The following RORA variants were observed in gnomAD, a reference collection of about 807,000 sequenced individuals.
RORA encodes the protein nuclear receptor ROR-alpha.
In RORA, 7 loss-of-function variants were observed where a neutral mutation model predicts 69.5. The observed-to-expected ratio is 0.10, with a 90% CI of 0.06 to 0.19. RORA has a LOEUF of 0.19. RORA is among the 10% of genes least tolerant of loss of function. The probability of loss-of-function intolerance (pLI) is 1.00; values close to 1 mark genes in which losing one functional copy is unlikely to be tolerated. For missense variants in RORA, 457 were observed against 663.0 expected, an observed-to-expected ratio of 0.69 and a Z score of 3.41; for synonymous variants, 261 against 240.8, an observed-to-expected ratio of 1.08 and a Z score of -0.78.
chr15:60,871,931 G>A (rs373080420), intron 1 of RORA, among the ~76,000 whole-genome samples: 2 of 152,202 alleles, frequency 1.3e-5, no homozygotes, highest in East Asian at 1.9e-4. Flanking sequence ...AGATGTTAAC[G>A]TTGGGAGACA....
intron 1 of RORA, among the ~76,000 whole-genome samples, chr15:60,688,149 C>T (rs1337636462): frequency 1.3e-5 from 2 of 151,838 alleles, no homozygotes. Flanking sequence ...GAAGGCGCTA[C>T]CATCATTAAA....
At chr15:61,201,282 A>C (rs1171402924) in intron 1 of RORA, among the ~76,000 whole-genome samples, 3 of 152,138 alleles carry the variant, frequency 2.0e-5, no homozygotes, top group African/African-American at 7.2e-5. Flanking sequence ...TCCTCACTCA[A>C]AATAAAGGGA....
chr15:61,117,529 C>A (rs948942445), intron 1 of RORA, among the ~76,000 whole-genome samples: 1 of 152,192 alleles, frequency 6.6e-6, no homozygotes, highest in Non-Finnish European at 1.5e-5. Context: ...AAATATTCGG[C>A]CTTTTCTCAT....
In RORA at chr15:60,680,806, A is replaced by T. The variant is rs1425606027; in HGVS notation, c.167-2120T>A. ...GGCAGCCTTAACCTATACAAGAAGA[A>T]TGTAAATTATATTTATTATAGCCAA... On this transcript the variant is annotated intron_variant, in intron 1 of 10. Transcript: ENST00000335670. Among the ~76,000 whole-genome samples, 4 of 152,296 alleles carry T rather than the reference A, an allele frequency of 2.6e-5. No homozygotes were observed. In the East Asian group the frequency reaches 7.7e-4, roughly 29 times the overall value.
chr15:60,694,994 C>G (rs1178507561), intron 1 of RORA, among the ~76,000 whole-genome samples: 1 of 152,070 alleles, frequency 6.6e-6, no homozygotes, highest in Non-Finnish European at 1.5e-5. Flanking sequence ...TGCCATCTAC[C>G]CCCGGTTGAC....
At chr15:60,662,046 A>C (rs2140719391) in intron 2 of RORA, among the ~76,000 whole-genome samples, 1 of 152,366 alleles carries the variant, frequency 6.6e-6, no homozygotes, top group East Asian at 1.9e-4. Flanking sequence ...TCTTAGAAGA[A>C]AAATGGAAGT....
intron 1 of RORA, among the ~76,000 whole-genome samples, chr15:61,140,214 C>T (rs573597570): frequency 1.3e-5 from 2 of 152,282 alleles, no homozygotes; most frequent in African/African-American, 4.8e-5. Flanking sequence ...TGTCTTCACT[C>T]GCCTTATGTA....
chr15:60,702,622 A>T (rs2071000125), intron 1 of RORA, among the ~76,000 whole-genome samples: 1 of 152,252 alleles, frequency 6.6e-6, no homozygotes, highest in Non-Finnish European at 1.5e-5. Flanking sequence ...TTAGGAAGTC[A>T]CATCACTTAT....
chr15:61,120,811 A>C (rs1276579593), intron 1 of RORA, among the ~76,000 whole-genome samples: 1 of 151,794 alleles, frequency 6.6e-6, no homozygotes, highest in Non-Finnish European at 1.5e-5. Context: ...AAAACAACTA[A>C]AATTTATTGA....
At chr15:61,060,326 C>T (rs1339066181) in intron 1 of RORA, among the ~76,000 whole-genome samples, 1 of 152,172 alleles carries the variant, frequency 6.6e-6, no homozygotes, top group African/African-American at 2.4e-5. Context: ...TTCCTCTTGG[C>T]TCTCCTTCCT....
At chr15:61,074,281 A>G (rs1483965386) in intron 1 of RORA, among the ~76,000 whole-genome samples, 1 of 152,222 alleles carries the variant, frequency 6.6e-6, no homozygotes, top group African/African-American at 2.4e-5. Context: ...GAACAAGATC[A>G]AAGGAAAATA....
At chr15:61,090,546 G>A (rs1448317016) in intron 1 of RORA, among the ~76,000 whole-genome samples, 2 of 152,128 alleles carry the variant, frequency 1.3e-5, no homozygotes, top group Non-Finnish European at 2.9e-5. Context: ...CTCATTATCG[G>A]CCATTTAGTC....
At chr15:60,766,674 T>A (rs2071997826) in intron 1 of RORA, among the ~76,000 whole-genome samples, 1 of 151,086 alleles carries the variant, frequency 6.6e-6, no homozygotes, top group African/African-American at 2.4e-5. Flanking sequence ...GACTGCACTT[T>A]TTTTTTTTTT....
intron 1 of RORA, among the ~76,000 whole-genome samples, chr15:60,922,175 G>A (rs570975301): frequency 1.3e-5 from 2 of 152,170 alleles, no homozygotes; most frequent in Non-Finnish European, 2.9e-5. Flanking sequence ...GCTTGGGGGA[G>A]GGAAGGGTGA....
At chr15:60,508,282 A>C (rs537327221) in intron 5 of RORA, among the ~76,000 whole-genome samples, 1 of 152,314 alleles carries the variant, frequency 6.6e-6, no homozygotes, top group South Asian at 2.1e-4. Context: ...ATGTGCCCCA[A>C]CCATGACTGC....
At chr15:60,561,170 C>T (rs2067546336) in intron 2 of RORA, among the ~76,000 whole-genome samples, 1 of 151,248 alleles carries the variant, frequency 6.6e-6, no homozygotes. Context: ...CAAGCGCCGC[C>T]TCCCGGGTTC....
intron 1 of RORA, among the ~76,000 whole-genome samples, chr15:61,151,494 G>A (rs952058389): frequency 6.6e-6 from 1 of 152,162 alleles, no homozygotes; most frequent in Non-Finnish European, 1.5e-5. Context: ...ACCAAATGAA[G>A]CTTACTAGGC....
At chr15:60,579,126 G>A (rs1038310648) in intron 2 of RORA, among the ~76,000 whole-genome samples, 1 of 148,638 alleles carries the variant, frequency 6.7e-6, no homozygotes, top group Non-Finnish European at 1.5e-5. Context: ...CATGACTGCT[G>A]GTACAGCTTG....
intron 1 of RORA, among the ~76,000 whole-genome samples, chr15:60,997,486 C>T (rs1011874425): frequency 6.6e-6 from 1 of 152,034 alleles, no homozygotes; most frequent in Non-Finnish European, 1.5e-5. Flanking sequence ...ATTTATATGT[C>T]ATTAACTTTC....
Sources: gnomAD v4.1 joint callset for allele counts (sites outside exome capture counted in the v4.1 genomes callset) on GRCh38, gnomAD v4.1.1 for gene constraint, MANE v1.5 for transcripts, NCBI Gene and HGNC (gene_info 2026-07-23, HGNC 2026-07-21) for gene names.